Variants in MAGI2 observed in about 807,000 individuals in gnomAD.
The protein encoded by MAGI2 is membrane-associated guanylate kinase, WW and PDZ domain-containing protein 2.
A neutral mutation model predicts 133.3 loss-of-function variants in MAGI2; 35 were observed. That is an observed-to-expected ratio of 0.26 (90% CI 0.20 to 0.35). The LOEUF is 0.35. Among genes scored for constraint, MAGI2 ranks in the 10% least tolerant of loss-of-function variants. The probability of loss-of-function intolerance (pLI) is 1.00; values close to 1 mark genes in which losing one functional copy is unlikely to be tolerated. For missense variants in MAGI2, 1,636 were observed against 1,863.4 expected (o/e 0.88, Z 2.25); for synonymous variants, 729 against 710.6 (o/e 1.03, Z -0.41).
intron 20 of MAGI2, among the ~76,000 whole-genome samples, chr7:78,119,123 G>T (rs539887105): frequency 6.6e-6 from 1 of 152,314 alleles, no homozygotes; most frequent in South Asian, 2.1e-4. Flanking sequence ...TCTGCAGTCA[G>T]TAAAAAGATC....
chr7:78,762,595 A>G (rs968399486), intron 2 of MAGI2, among the ~76,000 whole-genome samples: 19 of 152,322 alleles, frequency 1.2e-4, no homozygotes, highest in Admixed American at 3.9e-4. Flanking sequence ...AATCATAACT[A>G]AAATATACAG....
At chr7:78,742,691 CT>C (rs1822546948) in intron 2 of MAGI2, among the ~76,000 whole-genome samples, 1 of 152,172 alleles carries the variant, frequency 6.6e-6, no homozygotes. Flanking sequence ...CTTCTAGAAC[CT>C]TGCCTCTCAT....
intron 3 of MAGI2, among the ~76,000 whole-genome samples, chr7:78,547,647 GCA>G (rs757070801): frequency 2.0e-5 from 3 of 152,080 alleles, no homozygotes; most frequent in South Asian, 2.1e-4. Context: ...CTATCACAAG[GCA>G]CGCGCGCACA....
At chr7:78,775,315 CAAATTAAAAAAAAAA>C (rs1563490494) in intron 2 of MAGI2, among the ~76,000 whole-genome samples, 1 of 34,126 alleles carries the variant, frequency 2.9e-5, no homozygotes, top group South Asian at 1.2e-3. Context: ...TCTGTCGTCT[CAAATTAAAAAAAAAA>C]AAAAAAAAAA....
At chr7:78,929,067 T>C (rs915393666) in intron 2 of MAGI2, among the ~76,000 whole-genome samples, 6 of 152,124 alleles carry the variant, frequency 3.9e-5, no homozygotes, top group Non-Finnish European at 8.8e-5. Context: ...AATAATGTTA[T>C]AAATCCAGAA....
chr7:78,115,418 G>GA (rs1450763982), intron 20 of MAGI2, among the ~76,000 whole-genome samples: 3 of 152,120 alleles, frequency 2.0e-5, no homozygotes, highest in African/African-American at 4.8e-5. Context: ...TGACCATGGT[G>GA]AAATATATTG....
At position 78,271,940 on chromosome 7, in the gene MAGI2, TC is replaced by T. The variant is rs1246305142; in HGVS notation, c.1409-15360del. 3.3e-5 allele frequency among the ~76,000 whole-genome samples: 5 copies of T among 152,334 alleles called. No homozygotes were observed. In the South Asian group the frequency reaches 6.2e-4, roughly 19 times the overall value. ...TTTAAGGGTTTTTTGTGTCTCTATC[TC>T]CTTCAGTTCTGCTCTGATCTTAGTT... is the stretch of plus-strand genomic sequence containing the variant. On this transcript the variant is annotated intron_variant, in intron 9 of 21. Coordinates refer to ENST00000354212, the MANE Select transcript of MAGI2 (RefSeq NM_012301.4).
chr7:79,348,468 G>T (rs1841472139), intron 1 of MAGI2, among the ~76,000 whole-genome samples: 2 of 151,822 alleles, frequency 1.3e-5, no homozygotes, highest in African/African-American at 4.8e-5. Flanking sequence ...TCAGCAACAT[G>T]GTAGGACAAA....
intron 1 of MAGI2, among the ~76,000 whole-genome samples, chr7:79,047,269 T>A (rs903194220): frequency 2.6e-5 from 4 of 152,176 alleles, no homozygotes; most frequent in Non-Finnish European, 2.9e-5. Flanking sequence ...GCACTCATTT[T>A]ACAATAAAAT....
At chr7:78,153,883 G>A (rs1824129061) in intron 16 of MAGI2, among the ~76,000 whole-genome samples, 1 of 152,176 alleles carries the variant, frequency 6.6e-6, no homozygotes. Context: ...TACAATATTT[G>A]GTGGACAAGC....
intron 1 of MAGI2, chr7:79,125,882 G>A: frequency 4.6e-6 from 2 of 438,550 alleles, no homozygotes; most frequent in East Asian, 6.8e-5. Flanking sequence ...GAAGTTACAG[G>A]TTACAAAGGA....
chr7:79,356,840 A>G (rs1842050118), intron 1 of MAGI2, among the ~76,000 whole-genome samples: 6 of 152,118 alleles, frequency 3.9e-5, no homozygotes, highest in Admixed American at 3.9e-4. Flanking sequence ...ATCGGGTCTT[A>G]CTCTATTAAA....
chr7:79,389,621 T>C (rs1844454025), intron 1 of MAGI2, among the ~76,000 whole-genome samples: 1 of 152,122 alleles, frequency 6.6e-6, no homozygotes, highest in Non-Finnish European at 1.5e-5. Context: ...TGAGAAAAAT[T>C]ATAAAAGCTT....
At chr7:78,353,538 T>C (rs2151210839) in intron 7 of MAGI2, among the ~76,000 whole-genome samples, 2 of 152,228 alleles carry the variant, frequency 1.3e-5, no homozygotes, top group African/African-American at 2.4e-5. Context: ...CTAGAAGTGG[T>C]CAGGAAAATA....
intron 13 of MAGI2, among the ~76,000 whole-genome samples, chr7:78,179,844 G>T (rs1584285221): frequency 1.3e-5 from 2 of 152,246 alleles, no homozygotes; most frequent in East Asian, 3.9e-4. Context: ...AGACACAACC[G>T]GCTTTTGAAC....
chr7:78,596,167 G>C (rs1402249657), intron 3 of MAGI2, among the ~76,000 whole-genome samples: 1 of 106,340 alleles, frequency 9.4e-6, no homozygotes, highest in Admixed American at 1.0e-4. Context: ...GGGAGGGAGG[G>C]AAGAAATGAA....
intron 1 of MAGI2, among the ~76,000 whole-genome samples, chr7:79,047,812 T>C (rs1812316245): frequency 6.6e-6 from 1 of 152,138 alleles, no homozygotes; most frequent in African/African-American, 2.4e-5. Context: ...AATATCTTAA[T>C]ACCCTTTCCA....
chr7:79,358,671 C>T (rs1339509692), intron 1 of MAGI2, among the ~76,000 whole-genome samples: 2 of 152,114 alleles, frequency 1.3e-5, no homozygotes, highest in Admixed American at 1.3e-4. Context: ...GAAGCACTGG[C>T]AGAAGGATCT....
At chr7:78,427,269 A>G (rs2151422482) in intron 6 of MAGI2, among the ~76,000 whole-genome samples, 1 of 152,266 alleles carries the variant, frequency 6.6e-6, no homozygotes, top group African/African-American at 2.4e-5. Flanking sequence ...ATGAAAATGG[A>G]CTAAATATTT....
Sources: gnomAD v4.1 joint callset for allele counts (sites outside exome capture counted in the v4.1 genomes callset) on GRCh38, gnomAD v4.1.1 for gene constraint, MANE v1.5 for transcripts, NCBI Gene and HGNC (gene_info 2026-07-23, HGNC 2026-07-21) for gene names.